The following E2F1 variants were observed in gnomAD, a reference collection of about 807,000 sequenced individuals.
E2F1 encodes transcription factor E2F1.
In E2F1, 7 loss-of-function variants were observed where a neutral mutation model predicts 36.9. The observed-to-expected ratio is 0.19, with a 90% CI of 0.11 to 0.36. E2F1 has a LOEUF of 0.36. Ranked by LOEUF, E2F1 falls within the 10% of genes least tolerant of loss-of-function variation. The pLI is 1.00. For missense variants in E2F1, 406 were observed against 573.6 expected (o/e 0.71, Z 2.99); for synonymous variants, 261 against 263.1 (o/e 0.99, Z 0.08).
chr20:33,676,572 G>T lies in E2F1; in HGVS notation c.*160C>A. On this transcript the variant is annotated 3_prime_UTR_variant, in exon 7 of 7. Coordinates refer to ENST00000343380, the MANE Select transcript of E2F1 (RefSeq NM_005225.3). ...CCTTCCTGGCTTGCTCAGCCTCCTA[G>T]CGGTAGCCAGACCCCAGAGCTAGAA... 2.7e-6 allele frequency: 3 copies of T among 1,116,570 alleles called. No homozygotes were observed. Among genetic ancestry groups the T allele is most frequent in the Non-Finnish European group, 3.7e-6 (3 of 814,640 alleles). 69.2% of individuals were successfully genotyped at this position (1,116,570 alleles called of 1,614,324 possible). A position where few individuals can be genotyped will look rare whatever the true frequency, so the allele number is the denominator to read the frequency against.
Position 33,676,579 on chromosome 20 carries a change from C to G in E2F1, c.*153G>C. 8.3e-7 allele frequency: 1 copy of G among 1,208,172 alleles called. No individual in the cohort carries two copies. Among genetic ancestry groups the G allele is most frequent in the South Asian group, 1.8e-5 (1 of 56,300 alleles). The allele number at this position is 1,208,172 out of a possible 1,614,324, so 74.8% of individuals were successfully genotyped here. On this transcript the variant is annotated 3_prime_UTR_variant, in exon 7 of 7. Transcript: ENST00000343380. ...GGCTTGCTCAGCCTCCTAGCGGTAG[C>G]CAGACCCCAGAGCTAGAAGCTTCTG...
In E2F1 at chr20:33,676,550, T is replaced by C; in HGVS notation, c.*182A>G. The C allele has an allele frequency of 9.3e-6, 8 of 856,436 alleles. No homozygotes were observed. In the South Asian group the frequency reaches 1.5e-4, roughly 16 times the overall value. 53.1% of individuals were successfully genotyped at this position (856,436 alleles called of 1,614,324 possible). On this transcript the variant is annotated 3_prime_UTR_variant, in exon 7 of 7. Transcript: ENST00000343380. ...TACACACCACACAGACTCCTTCCCT[T>C]CCTGGCTTGCTCAGCCTCCTAGCGG...
chr20:33,680,205 C>T lies in E2F1; in HGVS notation c.352+121G>A, dbSNP rs533664599. 8 of 1,147,182 alleles carry T rather than the reference C, an allele frequency of 7.0e-6. No individual in the cohort carries two copies. In the Admixed American group the frequency reaches 1.4e-4, roughly 20 times the overall value. The allele number at this position is 1,147,182 out of a possible 1,614,324, so 71.1% of individuals were successfully genotyped here. A position where few individuals can be genotyped will look rare whatever the true frequency, so the allele number is the denominator to read the frequency against. ...GGCCACTCCAACTGCCCATCAGGGT[C>T]CTCAGAGGCCTGGCTCAAGCCCGAC... On this transcript the variant is annotated intron_variant, in intron 2 of 6. Transcript: ENST00000343380.
chr20:33,679,680 C>G lies in E2F1; in HGVS notation c.572+75G>C, dbSNP rs1287172949. 2 of 1,387,396 alleles carry G rather than the reference C, an allele frequency of 1.4e-6. No individual in the cohort carries two copies. Among genetic ancestry groups the G allele is most frequent in the South Asian group, 1.2e-5 (1 of 86,356 alleles). 85.9% of individuals were successfully genotyped at this position (1,387,396 alleles called of 1,614,324 possible). On this transcript the variant is annotated intron_variant, in intron 3 of 6. Transcript: ENST00000343380. The surrounding 1 kb of genome is among the most constrained non-coding windows in gnomAD (Gnocchi z 4.6). ...TATAAGATGGGGATGCAGGCAGCCA[C>G]AGTGGGTATTACTACCAGCTCCTCC... is the stretch of plus-strand genomic sequence containing the variant.
At chr20:33,683,587 A>G (rs1004013609) in intron 1 of E2F1, among the ~76,000 whole-genome samples, 2 of 151,752 alleles carry the variant, frequency 1.3e-5, no homozygotes, top group Non-Finnish European at 2.9e-5. Flanking sequence ...AGCCTGGGCA[A>G]CATGGCAAGA....
At position 33,677,525 on chromosome 20, in the gene E2F1, C is replaced by T. The variant is rs35807460; in HGVS notation, c.741G>A (p.Thr247=). 9.0e-4 allele frequency: 1,460 copies of T among 1,613,974 alleles called. 9 individuals carry two copies. In the African/African-American group the frequency reaches 0.015, roughly 17 times the overall value. The change falls in exon 5 of 7, where the codon ACG becomes ACA. Residue 247 remains threonine, a synonymous_variant. Transcript: ENST00000343380. ...CTGCAATGCTACGAAGGTCCTGACA[C>T]GTCACGTAGGCCAGGGTTGGCAGAG... ...DTDSQRLAYV[T]CQDLRSIADP...
chr20:33,678,202 G>A lies in E2F1; in HGVS notation c.724C>T (p.Arg242Cys). 1 of 1,610,916 alleles carries A rather than the reference G, an allele frequency of 6.2e-7. No individual in the cohort carries two copies. The highest frequency in any genetic ancestry group is 8.5e-7 in the Non-Finnish European group (1 of 1,177,700). Residue 242 changes from arginine to cysteine, a missense_variant and splice_region_variant, in exon 4 of 7, where the codon CGC (arginine) becomes TGC (cysteine). Physicochemically the swap from Arg to Cys is radical, Grantham distance 180. This residue lies in a region of E2F1 where 93 missense variants were observed against 143.3 expected (regional missense o/e 0.65). Transcript: ENST00000343380. The stretch of plus-strand genomic sequence containing the variant: ...ACCCTACGGCCAATCCAAGGATATC[G>A]CTGGCTGTCAGTGTCCTCGGAGAGC... ...RLLSEDTDSQ[R>C]LAYVTCQDLR...
In E2F1 at chr20:33,676,531, CCA is replaced by C; in HGVS notation, c.*199_*200del. Reference sequence around the variant, plus strand: ...GGTGTAGGCTGCATGCACATACACACCACACAGACTCCTTCCCTTCCTGGCTT... The same window carrying C: ...GGTGTAGGCTGCATGCACATACACACCACAGACTCCTTCCCTTCCTGGCTT... On this transcript the variant is annotated 3_prime_UTR_variant, in exon 7 of 7. Coordinates refer to ENST00000343380, the MANE Select transcript of E2F1 (RefSeq NM_005225.3). The C allele has an allele frequency of 1.4e-6, 1 of 701,044 alleles. No homozygotes were observed. Among genetic ancestry groups the C allele is most frequent in the Non-Finnish European group, 2.3e-6 (1 of 443,488 alleles). The allele number at this position is 701,044 out of a possible 1,614,324, so 43.4% of individuals were successfully genotyped here.
chr20:33,678,464 C>G (rs1428979158), intron 3 of E2F1, 111 bp from the exon 4 acceptor site: 4 of 1,375,288 alleles, frequency 2.9e-6, no homozygotes, highest in Non-Finnish European at 3.9e-6. Flanking sequence ...GAGGCCTAGG[C>G]AAGCCCTTGC....
chr20:33,677,045 G>C, intron 6 of E2F1, 60 bp downstream of exon 6: 2 of 1,565,026 alleles, frequency 1.3e-6, no homozygotes, highest in Non-Finnish European at 1.7e-6. Flanking sequence ...GGGCTGTCGT[G>C]CCTGCCCACC....
rs2017999736 is a variant in E2F1, at chr20:33,679,588, T to A, written c.572+167A>T. On this transcript the variant is annotated intron_variant, in intron 3 of 6. Coordinates refer to ENST00000343380, the MANE Select transcript of E2F1 (RefSeq NM_005225.3). This position sits in a 1 kb window ranked among gnomAD's most constrained non-coding sequence, Gnocchi z 4.6. ...TGCAACTGAGGTGGATATGTAAGAT[T>A]TGTGTGCTTTTTACCATCTATCATC... Among the ~76,000 whole-genome samples the A allele has an allele frequency of 5.3e-5, 8 of 152,106 alleles. 1 individual carries two copies. In the South Asian group the frequency reaches 1.5e-3, roughly 28 times the overall value.
chr20:33,676,918 C>T lies in E2F1; in HGVS notation c.1128G>A (p.Pro376=), dbSNP rs752664219. 6.4e-6 allele frequency: 10 copies of T among 1,565,258 alleles called. No individual in the cohort carries two copies. The highest frequency in any genetic ancestry group is 4.7e-5 in the South Asian group (4 of 85,988). Reference sequence around the variant, plus strand: ...CCAGGAGCGAGTCGGCCGCCACCAGCGGGGACAGGCGGTCCTCGTCCACGG... The same window carrying T: ...CCAGGAGCGAGTCGGCCGCCACCAGTGGGGACAGGCGGTCCTCGTCCACGG... ...RAPVDEDRLS[P]LVAADSLLEH... is the part of the protein sequence containing the mutation. Residue 376 remains proline, a synonymous_variant, in exon 7 of 7, where the codon CCG becomes CCA. Coordinates refer to ENST00000343380, the MANE Select transcript of E2F1 (RefSeq NM_005225.3).
At chr20:33,680,530 G>T in intron 1 of E2F1, 114 bp from the exon 2 acceptor site, 1 of 842,188 alleles carries the variant, frequency 1.2e-6, no homozygotes, top group Non-Finnish European at 1.9e-6. Flanking sequence ...CAGGATGCCT[G>T]AGTGTGTGAC....
At chr20:33,685,376 C>A (rs1224134832) in intron 1 of E2F1, among the ~76,000 whole-genome samples, 3 of 151,890 alleles carry the variant, frequency 2.0e-5, no homozygotes, top group Non-Finnish European at 4.4e-5. Context: ...GAGGCCTGGC[C>A]GGCCAGGCCT....
intron 4 of E2F1, 49 bp downstream of exon 4, chr20:33,678,152 C>T: frequency 6.4e-7 from 1 of 1,567,346 alleles, no homozygotes; most frequent in Non-Finnish European, 8.7e-7. Context: ...GGGTGGAGCC[C>T]CTGCCTGCTA....
At position 33,680,340 on chromosome 20, in the gene E2F1, C is replaced by A; in HGVS notation, c.338G>T (p.Arg113Leu). Reference sequence around the variant, plus strand: ...TCCATAGGTACCTTTTCCTGGATGGCGGCCTCTGCCCCGAGCTGGCCCACT... The same window carrying A: ...TCCATAGGTACCTTTTCCTGGATGGAGGCCTCTGCCCCGAGCTGGCCCACT... Reference protein sequence around the residue: ...ESSGPARGRGRHPGKGVKSPG... With the variant: ...ESSGPARGRGLHPGKGVKSPG... Residue 113 changes from arginine to leucine, a missense_variant, in exon 2 of 7, where the codon CGC (arginine) becomes CTC (leucine). This residue lies in a region of E2F1 where 77 missense variants were observed against 131.7 expected (regional missense o/e 0.58). Coordinates refer to ENST00000343380, the MANE Select transcript of E2F1 (RefSeq NM_005225.3). The A allele has an allele frequency of 6.2e-7, 1 of 1,614,162 alleles. No homozygotes were observed.
rs1327217276 is a variant in E2F1, at chr20:33,678,186, C to A, written c.725+15G>T. ...TAAGCCTGCCTTCCACACCCTACGG[C>A]CAATCCAAGGATATCGCTGGCTGTC... On this transcript the variant is annotated intron_variant, in intron 4 of 6. Transcript: ENST00000343380. 5.6e-6 allele frequency: 9 copies of A among 1,606,820 alleles called. No individual in the cohort carries two copies. The Admixed American group carries it at 1.3e-4, about 24-fold the overall frequency.
rs575839838 is a variant in E2F1, at chr20:33,677,295, C to T, written c.876G>A (p.Pro292=). 43 of 1,614,044 alleles carry T rather than the reference C, an allele frequency of 2.7e-5. No individual in the cohort carries two copies. The East Asian group carries it at 8.2e-4, about 31-fold the overall frequency. Residue 292 remains proline (P), a synonymous_variant, in exon 6 of 7, where the codon CCG becomes CCA. Coordinates refer to ENST00000343380, the MANE Select transcript of E2F1 (RefSeq NM_005225.3). The stretch of plus-strand genomic sequence containing the variant: ...CCTCAGGGCACAGGAAAACATCGAT[C>T]GGGCCTTGTTTGCTCTTAAGGGAGA... The part of the protein sequence containing the change: ...FQISLKSKQG[P]IDVFLCPEET...
At chr20:33,680,302 G>A (rs993259984) in intron 2 of E2F1, 24 bp downstream of exon 2, 2 of 1,611,068 alleles carry the variant, frequency 1.2e-6, no homozygotes, top group Non-Finnish European at 1.7e-6. Context: ...CAGGGGGTCT[G>A]CCCAGCCCAA....
Sources: allele counts gnomAD v4.1 joint callset (sites outside exome capture counted in the v4.1 genomes callset), GRCh38; gene constraint gnomAD v4.1.1; regional missense constraint gnomAD v4.1.1; non-coding constraint Gnocchi (gnomAD v3.1); transcripts MANE v1.5; gene names NCBI Gene and HGNC (gene_info 2026-07-23, HGNC 2026-07-21).